Variants in CADPS2 observed in about 807,000 individuals in gnomAD.
CADPS2 encodes the protein calcium-dependent secretion activator 2.
CADPS2 carries 93 observed loss-of-function variants against 172.5 expected under a neutral mutation model. The observed-to-expected ratio is 0.54, with a 90% confidence interval of 0.46 to 0.64. CADPS2 has a LOEUF of 0.64. Among genes scored for constraint, CADPS2 ranks in the 30% least tolerant of loss-of-function variants. The probability of loss-of-function intolerance (pLI) is 0.00; values close to 1 mark genes in which losing one functional copy is unlikely to be tolerated. For synonymous variants in CADPS2, 546 were observed against 555.2 expected, an observed-to-expected ratio of 0.98 and a Z score of 0.23; for missense variants, 1,420 against 1,565.9, an observed-to-expected ratio of 0.91 and a Z score of 1.57.
rs190456724 is a variant in CADPS2 at position 122,818,169 on chromosome 7, C to T, written c.339+67830G>A. 7.0e-4 allele frequency among the ~76,000 whole-genome samples: 107 copies of T among 151,972 alleles called. 1 individual carries two copies. The highest frequency in any genetic ancestry group is 1.8e-4 in the Non-Finnish European group (12 of 68,002). On this transcript the variant is annotated intron_variant, in intron 1 of 29. Coordinates refer to ENST00000449022, the MANE Select transcript of CADPS2 (RefSeq NM_017954.11). ...CTTTTCTCTAGGCTTGCTTCCTTCA[C>T]TATGGGCAACCTTCCACCCTCCATT...
intron 2 of CADPS2, among the ~76,000 whole-genome samples, chr7:122,686,555 C>T (rs2083651653): frequency 6.6e-6 from 1 of 152,166 alleles, no homozygotes; most frequent in African/African-American, 2.4e-5. Flanking sequence ...CTGCAGTGAG[C>T]TTAAGAATTT....
chr7:122,797,460 A>G (rs1013605952), intron 1 of CADPS2, among the ~76,000 whole-genome samples: 31 of 152,208 alleles, frequency 2.0e-4, no homozygotes, highest in African/African-American at 7.5e-4. Context: ...ATGTCCATCA[A>G]TGGTGGAATG....
intron 19 of CADPS2, among the ~76,000 whole-genome samples, chr7:122,410,958 C>G (rs2047231152): frequency 6.6e-6 from 1 of 152,112 alleles, no homozygotes; most frequent in Non-Finnish European, 1.5e-5. Context: ...GATTAAATAA[C>G]TTGCCCAAAG....
At chr7:122,396,566 A>G (rs2045161217) in intron 20 of CADPS2, among the ~76,000 whole-genome samples, 1 of 152,204 alleles carries the variant, frequency 6.6e-6, no homozygotes, top group African/African-American at 2.4e-5. Flanking sequence ...AAAGCTTTCC[A>G]AGACCTGTCT....
At chr7:122,697,661 A>C in intron 2 of CADPS2, 5 of 758,232 alleles carry the variant, frequency 6.6e-6, no homozygotes, top group Non-Finnish European at 1.0e-5. Context: ...TTGGACAAAG[A>C]ATGTATAAAA....
intron 6 of CADPS2, among the ~76,000 whole-genome samples, chr7:122,596,778 C>T (rs76155289): frequency 0.037 from 5,624 of 152,116 alleles, 155 homozygotes; most frequent in Middle Eastern, 0.078. Flanking sequence ...TCCTGGTTTC[C>T]CTACTGAAGA....
chr7:122,527,582 T>TAGAGAGAG (rs35881192), intron 8 of CADPS2, among the ~76,000 whole-genome samples: 333 of 91,356 alleles, frequency 3.6e-3, no homozygotes, highest in East Asian at 0.02. Context: ...TAATACTGAA[T>TAGAGAGAG]AGAGAGAGAG....
intron 2 of CADPS2, among the ~76,000 whole-genome samples, chr7:122,723,041 A>G (rs1272865076): frequency 3.3e-5 from 5 of 152,156 alleles, no homozygotes; most frequent in African/African-American, 1.2e-4. Flanking sequence ...AAGATGGATT[A>G]AAGACTTAAA....
chr7:122,710,166 G>A (rs1267442674), intron 2 of CADPS2, among the ~76,000 whole-genome samples: 1 of 151,692 alleles, frequency 6.6e-6, no homozygotes, highest in Non-Finnish European at 1.5e-5. Context: ...TCCTATGATG[G>A]TTAACTCTGA....
At chr7:122,827,698 A>T (rs779294991) in intron 1 of CADPS2, among the ~76,000 whole-genome samples, 11 of 152,136 alleles carry the variant, frequency 7.2e-5, no homozygotes, top group Admixed American at 3.3e-4. Context: ...TTCCAGGATA[A>T]AAGGTAGGAG....
intron 28 of CADPS2, among the ~76,000 whole-genome samples, chr7:122,325,827 T>C (rs1176892082): frequency 2.6e-5 from 4 of 152,128 alleles, no homozygotes; most frequent in Non-Finnish European, 5.9e-5. Context: ...AGCTGTAACA[T>C]ATTCACGGAA....
intron 1 of CADPS2, among the ~76,000 whole-genome samples, chr7:122,738,591 C>G (rs1361038240): frequency 6.6e-6 from 1 of 151,986 alleles, no homozygotes; most frequent in Non-Finnish European, 1.5e-5. Flanking sequence ...TGGAAACATA[C>G]TGAGGATAAA....
intron 8 of CADPS2, among the ~76,000 whole-genome samples, chr7:122,523,182 C>G (rs2060947279): frequency 6.6e-6 from 1 of 152,064 alleles, no homozygotes; most frequent in Admixed American, 6.6e-5. Flanking sequence ...AGTTTACATT[C>G]CCACCAACAG....
At chr7:122,795,183 G>A (rs1251522541) in intron 1 of CADPS2, among the ~76,000 whole-genome samples, 1 of 151,680 alleles carries the variant, frequency 6.6e-6, no homozygotes, top group Non-Finnish European at 1.5e-5. Context: ...AAATCCAGGA[G>A]CAATTTTTTT....
chr7:122,881,574 T>C (rs1667614044), intron 1 of CADPS2, among the ~76,000 whole-genome samples: 1 of 152,146 alleles, frequency 6.6e-6, no homozygotes, highest in African/African-American at 2.4e-5. Flanking sequence ...ACTTGGACCA[T>C]AATGCATCAA....
At chr7:122,589,479 C>T (rs1239968127) in intron 6 of CADPS2, among the ~76,000 whole-genome samples, 2 of 151,814 alleles carry the variant, frequency 1.3e-5, no homozygotes, top group Non-Finnish European at 2.9e-5. Context: ...ACAATACTTA[C>T]GGAAGAGCAG....
intron 6 of CADPS2, among the ~76,000 whole-genome samples, chr7:122,592,125 T>A (rs181077670): frequency 6.6e-6 from 1 of 151,732 alleles, no homozygotes; most frequent in Non-Finnish European, 1.5e-5. Flanking sequence ...TACAAAGAAC[T>A]CAAACAAATT....
intron 17 of CADPS2, among the ~76,000 whole-genome samples, chr7:122,430,390 C>T (rs912179084): frequency 5.9e-5 from 9 of 152,134 alleles, no homozygotes; most frequent in Admixed American, 3.3e-4. Context: ...TGTATGACTG[C>T]GCTCTTGTCT....
intron 1 of CADPS2, among the ~76,000 whole-genome samples, chr7:122,864,781 C>A (rs1268223456): frequency 6.6e-6 from 1 of 152,178 alleles, no homozygotes; most frequent in Non-Finnish European, 1.5e-5. Context: ...CTCCTTCCAA[C>A]TTGTAGCTCT....
Sources: allele counts gnomAD v4.1 joint callset (sites outside exome capture counted in the v4.1 genomes callset), GRCh38; gene constraint gnomAD v4.1.1; transcripts MANE v1.5; gene names NCBI Gene and HGNC (gene_info 2026-07-23, HGNC 2026-07-21).